Variants in GALNT9 observed in about 807,000 individuals in gnomAD.
GALNT9 encodes the protein polypeptide N-acetylgalactosaminyltransferase 9.
GALNT9 carries 47 observed loss-of-function variants against 63.1 expected under a neutral mutation model. The ratio of observed to expected loss-of-function variants is 0.75; its 90% CI spans 0.59 to 0.95. The LOEUF (loss-of-function observed/expected upper bound fraction) is 0.95, where lower values mean the gene tolerates loss of function less well. Ranked by LOEUF, GALNT9 falls within the 40% of genes least tolerant of loss-of-function variation. The pLI is 0.00. For missense variants in GALNT9, 829 were observed against 874.8 expected, an observed-to-expected ratio of 0.95 and a Z score of 0.66; for synonymous variants, 396 against 365.7, an observed-to-expected ratio of 1.08 and a Z score of -0.94.
chr12:132,257,402 C>T (rs1555239167), intron 5 of GALNT9, among the ~76,000 whole-genome samples: 1 of 152,014 alleles, frequency 6.6e-6, no homozygotes, highest in Non-Finnish European at 1.5e-5. Flanking sequence ...AGCCCCTGCA[C>T]CAGGTTGTGC....
rs962881748 is a variant in GALNT9, at chr12:132,246,392, G to A, written c.1077+1518C>T. On this transcript the variant is annotated intron_variant, in intron 6 of 10. Transcript: ENST00000328957. The surrounding 1 kb of genome is among the most constrained non-coding windows in gnomAD (Gnocchi z 4.7). The stretch of plus-strand genomic sequence containing the variant: ...ATATTTTAAAGCACTTGGTCGGGGG[G>A]ATTTCTGGTATGATATCAGGCATTC... 6.6e-6 allele frequency among the ~76,000 whole-genome samples: 1 copy of A among 152,158 alleles called. No homozygotes were observed. The highest frequency in any genetic ancestry group is 1.5e-5 in the Non-Finnish European group (1 of 68,026).
chr12:132,284,262 CAGGT>C lies in GALNT9; in HGVS notation c.419+1984_419+1987del, dbSNP rs1196308095. On this transcript the variant is annotated intron_variant, in intron 2 of 10. Coordinates refer to ENST00000328957, the MANE Select transcript of GALNT9 (RefSeq NM_001122636.2). ...ACATGCGCACACACCCGCACACATG[CAGGT>C]GCACACGCACACACCCACACCCACC... 2.8e-4 allele frequency: 43 copies of C among 151,660 alleles called. 1 individual carries two copies. The highest frequency in any genetic ancestry group is 1.0e-3 in the African/African-American group (43 of 41,226). The allele number at this position is 151,660 out of a possible 1,614,324, so 9.4% of individuals were successfully genotyped here.
chr12:132,203,414 CCCTAGGGGG>C, intron 7 of GALNT9, 82 bp downstream of exon 7: 4 of 1,214,642 alleles, frequency 3.3e-6, no homozygotes, highest in Non-Finnish European at 3.5e-6. Flanking sequence ...CTGCAGGGGG[CCCTAGGGGG>C]CCTCCCTCCG....
In GALNT9 at chr12:132,286,809, G is replaced by A. The variant is rs1880612408; in HGVS notation, c.239-379C>T. On this transcript the variant is annotated intron_variant, in intron 1 of 10. Coordinates refer to ENST00000328957, the MANE Select transcript of GALNT9 (RefSeq NM_001122636.2). The surrounding 1 kb of genome is among the most constrained non-coding windows in gnomAD (Gnocchi z 7.4). The stretch of plus-strand genomic sequence containing the variant: ...GCTCACTGCAGCCTGGACCTCCCAG[G>A]CTCAAGCAATCCTCCCACCTCAGCC... 6.6e-6 allele frequency among the ~76,000 whole-genome samples: 1 copy of A among 152,060 alleles called. No homozygotes were observed. The highest frequency in any genetic ancestry group is 1.5e-5 in the Non-Finnish European group (1 of 68,002).
chr12:132,235,708 G>A (rs1479162975), intron 6 of GALNT9, among the ~76,000 whole-genome samples: 155 of 145,216 alleles, frequency 1.1e-3, no homozygotes, highest in African/African-American at 3.7e-3. Flanking sequence ...TTCAACCCTC[G>A]GGACAGGGCA....
chr12:132,285,536 C>G (rs1880554320), intron 2 of GALNT9, among the ~76,000 whole-genome samples: 1 of 152,254 alleles, frequency 6.6e-6, no homozygotes, highest in Non-Finnish European at 1.5e-5. Context: ...GCTCCTGATT[C>G]ACCCGCTCTT....
chr12:132,313,785 TCCACCCATCCAC>T (rs1555245427), intron 1 of GALNT9, among the ~76,000 whole-genome samples: 1 of 82,342 alleles, frequency 1.2e-5, no homozygotes. Context: ...CATCCATACA[TCCACCCATCCAC>T]CCACCCATCC....
intron 2 of GALNT9, among the ~76,000 whole-genome samples, chr12:132,281,275 C>T (rs539401801): frequency 7.9e-5 from 12 of 152,338 alleles, no homozygotes; most frequent in Admixed American, 6.5e-4. Flanking sequence ...ATACATTCCG[C>T]AGGCACCGGG....
chr12:132,266,136 C>T (rs954195386), intron 2 of GALNT9, among the ~76,000 whole-genome samples: 3 of 149,714 alleles, frequency 2.0e-5, no homozygotes, highest in African/African-American at 7.6e-5. Context: ...AACCGCGGGC[C>T]TGTCTGCCTT....
At chr12:132,297,597 C>A (rs182691265) in intron 1 of GALNT9, among the ~76,000 whole-genome samples, 40 of 152,014 alleles carry the variant, frequency 2.6e-4, no homozygotes, top group Non-Finnish European at 5.0e-4. Context: ...ATAACCAACT[C>A]ACTCCCATGA....
chr12:132,238,180 G>A lies in GALNT9; in HGVS notation c.1077+9730C>T, dbSNP rs1858911215. Among the ~76,000 whole-genome samples the A allele has an allele frequency of 6.6e-6, 1 of 152,196 alleles. No homozygotes were observed. Among genetic ancestry groups the A allele is most frequent in the South Asian group, 2.1e-4 (1 of 4,830 alleles). On this transcript the variant is annotated intron_variant, in intron 6 of 10. Coordinates refer to ENST00000328957, the MANE Select transcript of GALNT9 (RefSeq NM_001122636.2). The surrounding 1 kb of genome is among the most constrained non-coding windows in gnomAD (Gnocchi z 6.5). ...GGCTGATGCTTCCAAGGCTAAGGAC[G>A]CGGGCAGGGGCTGCTCAGGACCCAG...
At position 132,317,810 on chromosome 12, in the gene GALNT9, G is replaced by C. The variant is rs147457973; in HGVS notation, c.238+11156C>G. On this transcript the variant is annotated intron_variant, in intron 1 of 10. Transcript: ENST00000328957. ...GAAAGAAGGAGGAGGGGTATCGGTG[G>C]GGCTGCACAGGGGCTGCTGGGAGCC... Among the ~76,000 whole-genome samples the C allele has an allele frequency of 9.6e-4, 147 of 152,336 alleles. 2 individuals are homozygous for C. Among genetic ancestry groups the C allele is most frequent in the African/African-American group, 3.3e-3 (138 of 41,576 alleles).
intron 5 of GALNT9, among the ~76,000 whole-genome samples, chr12:132,256,520 G>A (rs553178240): frequency 6.7e-6 from 1 of 148,532 alleles, no homozygotes; most frequent in South Asian, 2.2e-4. Flanking sequence ...CATTTATTTT[G>A]AGAAAAACAC....
intron 6 of GALNT9, among the ~76,000 whole-genome samples, chr12:132,225,200 C>A (rs1034269007): frequency 6.7e-6 from 1 of 149,076 alleles, no homozygotes; most frequent in Non-Finnish European, 1.5e-5. Flanking sequence ...ATACACANCC[C>A]ACACACATAC....
At chr12:132,291,505 T>C (rs148751841) in intron 1 of GALNT9, among the ~76,000 whole-genome samples, 26,306 of 137,396 alleles carry the variant, frequency 0.19, 2,671 homozygotes, top group Middle Eastern at 0.32. Flanking sequence ...AGCGCCCACG[T>C]CCACACCACC....
intron 6 of GALNT9, among the ~76,000 whole-genome samples, chr12:132,240,248 A>G (rs2136897942): frequency 1.8e-4 from 27 of 152,084 alleles, no homozygotes; most frequent in African/African-American, 6.3e-4. Context: ...GATCTGGAAT[A>G]TGACCAAGTC....
intron 2 of GALNT9, among the ~76,000 whole-genome samples, chr12:132,264,258 C>T (rs560854007): frequency 7.7e-4 from 118 of 152,336 alleles, no homozygotes; most frequent in African/African-American, 2.2e-3. Flanking sequence ...CAGAGGCCCC[C>T]GGGACGCTGG....
intron 6 of GALNT9, among the ~76,000 whole-genome samples, chr12:132,225,789 C>T (rs1018294489): frequency 7.5e-5 from 11 of 147,398 alleles, no homozygotes; most frequent in African/African-American, 2.3e-4. Context: ...ACCCCACACA[C>T]GCCACACAAC....
chr12:132,267,767 G>GCACTCACACA (rs1566006037), intron 2 of GALNT9, among the ~76,000 whole-genome samples: 2 of 126,590 alleles, frequency 1.6e-5, no homozygotes, highest in African/African-American at 1.0e-4. Flanking sequence ...ACACACACAT[G>GCACTCACACA]CACTCACACA....
Sources: gnomAD v4.1 joint callset for allele counts (sites outside exome capture counted in the v4.1 genomes callset) on GRCh38, gnomAD v4.1.1 for gene constraint, Gnocchi (gnomAD v3.1) non-coding constraint, MANE v1.5 for transcripts, NCBI Gene and HGNC (gene_info 2026-07-23, HGNC 2026-07-21) for gene names.